The following GATAD2B variants were observed in gnomAD, a reference collection of about 807,000 sequenced individuals.
The protein encoded by GATAD2B is transcriptional repressor p66-beta.
GATAD2B carries 8 observed loss-of-function variants against 64.3 expected under a neutral mutation model. That is an observed-to-expected ratio of 0.12 (90% CI 0.07 to 0.22). The LOEUF is 0.22. Among genes scored for constraint, GATAD2B ranks in the 10% least tolerant of loss-of-function variants. The pLI is 1.00. For synonymous variants in GATAD2B, 281 were observed against 271.3 expected, an observed-to-expected ratio of 1.04 and a Z score of -0.35; for missense variants, 453 against 752.0, an observed-to-expected ratio of 0.60 and a Z score of 4.65.
chr1:153,813,008 G>A (rs1302598023), intron 8 of GATAD2B, among the ~76,000 whole-genome samples: 1 of 152,208 alleles, frequency 6.6e-6, no homozygotes. Flanking sequence ...AGAATAGAGT[G>A]CTATGGAAAA....
At chr1:153,857,568 A>G (rs1676130711) in intron 1 of GATAD2B, among the ~76,000 whole-genome samples, 1 of 152,206 alleles carries the variant, frequency 6.6e-6, no homozygotes, top group South Asian at 2.1e-4. Context: ...CATTGATAAA[A>G]TATGTAAAAC....
intron 1 of GATAD2B, chr1:153,852,258 A>G (rs1009576818): frequency 2.4e-6 from 3 of 1,231,304 alleles, no homozygotes; most frequent in Non-Finnish European, 3.6e-6. Flanking sequence ...CAAGTCATCT[A>G]AAGATTCCTT....
intron 1 of GATAD2B, among the ~76,000 whole-genome samples, chr1:153,865,322 G>A (rs1217889502): frequency 1.3e-5 from 2 of 151,690 alleles, no homozygotes; most frequent in African/African-American, 4.8e-5. Context: ...TTTTCTGGAC[G>A]TGGTAGCACG....
intron 1 of GATAD2B, among the ~76,000 whole-genome samples, chr1:153,894,617 C>T (rs1431484924): frequency 6.6e-6 from 1 of 152,054 alleles, no homozygotes; most frequent in Non-Finnish European, 1.5e-5. Flanking sequence ...AATCCTAGCA[C>T]TTTGGGAGGC....
chr1:153,845,924 C>T (rs1675669033), intron 1 of GATAD2B, among the ~76,000 whole-genome samples: 1 of 150,392 alleles, frequency 6.6e-6, no homozygotes, highest in African/African-American at 2.5e-5. Flanking sequence ...TAGAGCAAGA[C>T]ACTATCTCTA....
chr1:153,823,419 A>G (rs1409877045), intron 2 of GATAD2B, among the ~76,000 whole-genome samples: 4 of 152,252 alleles, frequency 2.6e-5, no homozygotes, highest in Non-Finnish European at 5.9e-5. Flanking sequence ...TTTCACAGGT[A>G]TCGTAACTTG....
At chr1:153,838,556 C>G (rs529506586) in intron 1 of GATAD2B, among the ~76,000 whole-genome samples, 2 of 151,784 alleles carry the variant, frequency 1.3e-5, no homozygotes, top group African/African-American at 4.8e-5. Context: ...GTCTGGAGTA[C>G]AGTGGTGCAA....
chr1:153,866,219 A>C (rs1160621545), intron 1 of GATAD2B, among the ~76,000 whole-genome samples: 1 of 151,936 alleles, frequency 6.6e-6, no homozygotes, highest in Non-Finnish European at 1.5e-5. Flanking sequence ...AAAAAAAAAA[A>C]AAAAAATTCA....
chr1:153,834,983 GCACGGTGGCATGCACCT>G (rs1007288075), intron 1 of GATAD2B, among the ~76,000 whole-genome samples: 27 of 151,938 alleles, frequency 1.8e-4, no homozygotes, highest in African/African-American at 6.0e-4. Flanking sequence ...AATTAGTTGG[GCACGGTGGCATGCACCT>G]CACTCAGGAG....
intron 1 of GATAD2B, among the ~76,000 whole-genome samples, chr1:153,843,483 CAGG>C (rs1294670731): frequency 6.6e-6 from 1 of 152,026 alleles, no homozygotes; most frequent in Non-Finnish European, 1.5e-5. Flanking sequence ...TCATGTTGCC[CAGG>C]TTAGTCTTGA....
chr1:153,852,759 G>A, intron 1 of GATAD2B: 1 of 934,306 alleles, frequency 1.1e-6, no homozygotes, highest in Non-Finnish European at 1.8e-6. Flanking sequence ...TGGTAGACAG[G>A]GATCCCAGTC....
chr1:153,809,769 G>A lies in GATAD2B; in HGVS notation c.*408C>T. 6.4e-6 allele frequency: 1 copy of A among 155,078 alleles called. No individual in the cohort carries two copies. The allele number at this position is 155,078 out of a possible 1,614,324, so 9.6% of individuals were successfully genotyped here. On this transcript the variant is annotated 3_prime_UTR_variant, in exon 11 of 11. Transcript: ENST00000368655. ...AAAGAAAAAGATTGGTTGAGTGGGG[G>A]AAGGTTTAACCGTCCACTGAACAAA...
At chr1:153,884,610 A>G (rs984953358) in intron 1 of GATAD2B, among the ~76,000 whole-genome samples, 1 of 152,172 alleles carries the variant, frequency 6.6e-6, no homozygotes, top group Non-Finnish European at 1.5e-5. Flanking sequence ...CTCAAAAACA[A>G]AAACAAAAAA....
chr1:153,850,419 C>T (rs916282452), intron 1 of GATAD2B, among the ~76,000 whole-genome samples: 2 of 152,104 alleles, frequency 1.3e-5, no homozygotes, highest in Non-Finnish European at 2.9e-5. Flanking sequence ...CCTGCCTCAG[C>T]CTCCTGAGTA....
At chr1:153,810,637 G>A (rs1222038458) in intron 10 of GATAD2B, among the ~76,000 whole-genome samples, 2 of 152,032 alleles carry the variant, frequency 1.3e-5, no homozygotes, top group Admixed American at 6.6e-5. Flanking sequence ...TGTATTTTTA[G>A]TAGAGATGGG....
At chr1:153,907,459 G>A (rs1295586665) in intron 1 of GATAD2B, among the ~76,000 whole-genome samples, 1 of 152,174 alleles carries the variant, frequency 6.6e-6, no homozygotes, top group African/African-American at 2.4e-5. Context: ...CAAATTTATA[G>A]AAACAAAGTA....
chr1:153,827,922 G>T, intron 2 of GATAD2B, 91 bp downstream of exon 2: 1 of 892,594 alleles, frequency 1.1e-6, no homozygotes, highest in Non-Finnish European at 1.8e-6. Flanking sequence ...TCTTTAGGAT[G>T]AAAAACACCC....
At chr1:153,831,334 TG>T (rs796554492) in intron 1 of GATAD2B, among the ~76,000 whole-genome samples, 1 of 151,908 alleles carries the variant, frequency 6.6e-6, no homozygotes, top group African/African-American at 2.4e-5. Flanking sequence ...CTGGGTCTGT[TG>T]GGGGGTAGGA....
At chr1:153,919,415 G>C (rs1051338276) in intron 1 of GATAD2B, among the ~76,000 whole-genome samples, 1 of 152,162 alleles carries the variant, frequency 6.6e-6, no homozygotes, top group Admixed American at 6.5e-5. Flanking sequence ...ATCCACAAGG[G>C]AGAAGGTAAA....
Sources: allele counts gnomAD v4.1 joint callset (sites outside exome capture counted in the v4.1 genomes callset), GRCh38; gene constraint gnomAD v4.1.1; transcripts MANE v1.5; gene names NCBI Gene and HGNC (gene_info 2026-07-23, HGNC 2026-07-21).